The following TENM2 variants were observed in gnomAD, a reference collection of about 807,000 sequenced individuals.
TENM2 encodes teneurin-2.
Under a neutral mutation model 245.2 loss-of-function variants are expected in TENM2, and 52 were observed. The observed-to-expected ratio is 0.21, with a 90% CI of 0.17 to 0.27. The LOEUF (loss-of-function observed/expected upper bound fraction) is 0.27, where lower values mean the gene tolerates loss of function less well. Ranked by LOEUF, TENM2 falls within the 10% of genes least tolerant of loss-of-function variation. The probability of loss-of-function intolerance (pLI) is 1.00; values close to 1 mark genes in which losing one functional copy is unlikely to be tolerated. For missense variants in TENM2, 3,046 were observed against 3,666.8 expected (o/e 0.83, Z 4.37); for synonymous variants, 1,363 against 1,438.9 (o/e 0.95, Z 1.19).
intron 2 of TENM2, among the ~76,000 whole-genome samples, chr5:167,606,339 C>A (rs1379712360): frequency 6.6e-6 from 1 of 151,976 alleles, no homozygotes; most frequent in African/African-American, 2.4e-5. Context: ...GTTTTTGATG[C>A]CCTTGATTCT....
intron 4 of TENM2, among the ~76,000 whole-genome samples, chr5:167,974,011 G>GAAGGAAAGAAGGAA (rs1204936316): frequency 1.2e-5 from 1 of 83,480 alleles, no homozygotes; most frequent in African/African-American, 8.0e-5. Flanking sequence ...AAGGGAGGGA[G>GAAGGAAAGAAGGAA]GGAGGGAGGG....
At chr5:168,140,995 T>G (rs1562207841) in intron 12 of TENM2, among the ~76,000 whole-genome samples, 1 of 152,030 alleles carries the variant, frequency 6.6e-6, no homozygotes, top group Non-Finnish European at 1.5e-5. Context: ...CTGGGGCTCC[T>G]CCAGAGTCAT....
chr5:167,197,525 A>G, the TENM2 span, among the ~76,000 whole-genome samples: 1 of 152,090 alleles, frequency 6.6e-6, no homozygotes, highest in Non-Finnish European at 1.5e-5. Context: ...AACTCAGTAT[A>G]TTGATTATTT....
At chr5:167,134,688 A>G in the TENM2 span, among the ~76,000 whole-genome samples, 1 of 152,090 alleles carries the variant, frequency 6.6e-6, no homozygotes, top group Non-Finnish European at 1.5e-5. Flanking sequence ...CCATTTTTCA[A>G]CGCTGTTTTA....
chr5:168,191,351 G>A (rs531654413), intron 14 of TENM2, among the ~76,000 whole-genome samples: 1 of 152,300 alleles, frequency 6.6e-6, no homozygotes, highest in East Asian at 1.9e-4. Flanking sequence ...ATGATTCTGA[G>A]GGTAGAGAGG....
intron 1 of TENM2, among the ~76,000 whole-genome samples, chr5:167,288,548 G>T (rs1381343028): frequency 2.8e-5 from 4 of 141,916 alleles, no homozygotes; most frequent in Non-Finnish European, 6.0e-5. Flanking sequence ...GACAGAGCGA[G>T]ACTCCGTCTC....
chr5:168,234,768 G>C (rs1303572210), intron 25 of TENM2, among the ~76,000 whole-genome samples: 1 of 152,112 alleles, frequency 6.6e-6, no homozygotes, highest in Non-Finnish European at 1.5e-5. Context: ...CACGCTCTAG[G>C]ATATTTCTTC....
At chr5:167,123,158 A>C in the TENM2 span, among the ~76,000 whole-genome samples, 1 of 151,706 alleles carries the variant, frequency 6.6e-6, no homozygotes, top group Non-Finnish European at 1.5e-5. Flanking sequence ...AAAAAAAAAA[A>C]AATTAGCCAG....
At chr5:167,466,459 T>G (rs1766658957) in intron 2 of TENM2, among the ~76,000 whole-genome samples, 1 of 152,214 alleles carries the variant, frequency 6.6e-6, no homozygotes, top group African/African-American at 2.4e-5. Context: ...TGTGTCTCAA[T>G]GCATACAATG....
At chr5:167,314,708 A>G (rs1319056361) in intron 1 of TENM2, among the ~76,000 whole-genome samples, 1 of 152,086 alleles carries the variant, frequency 6.6e-6, no homozygotes, top group African/African-American at 2.4e-5. Flanking sequence ...ATATTTTTAA[A>G]TGTATAAGTA....
chr5:167,333,788 T>A (rs1164083561), intron 1 of TENM2, among the ~76,000 whole-genome samples: 1 of 152,222 alleles, frequency 6.6e-6, no homozygotes, highest in East Asian at 1.9e-4. Flanking sequence ...GCAATAAACC[T>A]GCCTCTTAGA....
chr5:167,875,059 T>A (rs1044845124), intron 2 of TENM2, among the ~76,000 whole-genome samples: 1 of 152,200 alleles, frequency 6.6e-6, no homozygotes, highest in Non-Finnish European at 1.5e-5. Flanking sequence ...ATTCAGCAGA[T>A]GCGATTCTTT....
intron 1 of TENM2, among the ~76,000 whole-genome samples, chr5:167,286,171 C>G (rs1427810718): frequency 6.6e-6 from 1 of 152,192 alleles, no homozygotes; most frequent in Non-Finnish European, 1.5e-5. Context: ...CTAGCTTCAG[C>G]TTTTATATTT....
intron 2 of TENM2, among the ~76,000 whole-genome samples, chr5:167,554,729 A>G (rs983352986): frequency 5.3e-5 from 8 of 152,208 alleles, no homozygotes; most frequent in African/African-American, 1.9e-4. Context: ...TTCAGACCCA[A>G]CCAGTTTGAC....
At chr5:167,946,032 G>A (rs1193491193) in intron 3 of TENM2, among the ~76,000 whole-genome samples, 1 of 152,226 alleles carries the variant, frequency 6.6e-6, no homozygotes, top group Non-Finnish European at 1.5e-5. Context: ...CAGGCCACCT[G>A]CCCTGTGAAG....
chr5:167,801,109 A>AAAAATATAT (rs1444227809), intron 2 of TENM2, among the ~76,000 whole-genome samples: 2 of 66,554 alleles, frequency 3.0e-5, no homozygotes, highest in African/African-American at 1.3e-4. Flanking sequence ...AAAAAAAAAA[A>AAAAATATAT]ATATATATAT....
At chr5:167,900,880 C>T (rs1775646443) in intron 3 of TENM2, among the ~76,000 whole-genome samples, 1 of 149,486 alleles carries the variant, frequency 6.7e-6, no homozygotes, top group African/African-American at 2.5e-5. Flanking sequence ...CAGTGACCAC[C>T]TGGGGGACTT....
rs115562796 is a variant in TENM2 at position 167,372,810 on chromosome 5, T to C, written c.227-2388T>C. Among the ~76,000 whole-genome samples, 719 of 152,298 alleles carry C rather than the reference T, an allele frequency of 4.7e-3. 8 individuals carry two copies. Among genetic ancestry groups the C allele is most frequent in the African/African-American group, 0.017 (690 of 41,564 alleles). On this transcript the variant is annotated intron_variant, in intron 1 of 28. Coordinates refer to ENST00000518659, the Ensembl canonical transcript of TENM2. ...GACTTAAGGATGAGAAAAGCAACAA[T>C]AGAAAGATCTTGTAATATTGTGTAT...
chr5:167,160,683 T>C, the TENM2 span, among the ~76,000 whole-genome samples: 1,953 of 152,354 alleles, frequency 0.013, 13 homozygotes, highest in Middle Eastern at 0.037. Context: ...CCTCCACTTA[T>C]TCTTTTTCCT....
Sources: allele counts gnomAD v4.1 joint callset (sites outside exome capture counted in the v4.1 genomes callset), GRCh38; gene constraint gnomAD v4.1.1; transcripts MANE v1.5; gene names NCBI Gene and HGNC (gene_info 2026-07-23, HGNC 2026-07-21).